The following VGLL4 variants were observed in gnomAD, a reference collection of about 807,000 sequenced individuals.
The protein encoded by VGLL4 is vestigial like family member 4.
VGLL4 carries 7 observed loss-of-function variants against 21.0 expected under a neutral mutation model. The observed-to-expected ratio is 0.33, with a 90% CI of 0.19 to 0.63. VGLL4 has a LOEUF of 0.63. Ranked by LOEUF, VGLL4 falls within the 20% of genes least tolerant of loss-of-function variation. The pLI, the probability that VGLL4 is intolerant of heterozygous loss-of-function variation, is 0.78. For synonymous variants in VGLL4, 222 were observed against 173.2 expected (o/e 1.28, Z -2.21); for missense variants, 394 against 425.7 (o/e 0.93, Z 0.66).
At chr3:11,717,452 T>C (rs1334668834) in intron 1 of VGLL4, among the ~76,000 whole-genome samples, 1 of 149,718 alleles carries the variant, frequency 6.7e-6, no homozygotes, top group African/African-American at 2.5e-5. Flanking sequence ...GTAACAGGGC[T>C]GCCTCCATAA....
intron 1 of VGLL4, among the ~76,000 whole-genome samples, chr3:11,707,632 TTGAGCCCGGGAGTTCCAGACCAGCC>T (rs1232746817): frequency 6.6e-6 from 1 of 152,030 alleles, no homozygotes; most frequent in African/African-American, 2.4e-5. Flanking sequence ...GGAGGATCGC[TTGAGCCCGGGAGTTCCAGACCAGCC>T]TGAGCAACAC....
rs958951404 is a variant in VGLL4 at position 11,568,504 on chromosome 3, C to T, written c.273-3485G>A. On this transcript the variant is annotated intron_variant, in intron 2 of 4. Coordinates refer to ENST00000430365, the MANE Select transcript of VGLL4 (RefSeq NM_001128219.3). This position sits in a 1 kb window ranked among gnomAD's most constrained non-coding sequence, Gnocchi z 5.9. ...AACTGGAAAGACAGTCCGTGGAACA[C>T]AGCACAGTGGGCACTATGGGTCAGA... 9 of 1,479,404 alleles carry T rather than the reference C, an allele frequency of 6.1e-6. No homozygotes were observed. The highest frequency in any genetic ancestry group is 8.3e-6 in the Non-Finnish European group (9 of 1,083,222). 91.6% of individuals were successfully genotyped at this position (1,479,404 alleles called of 1,614,324 possible). A position where few individuals can be genotyped will look rare whatever the true frequency, so the allele number is the denominator to read the frequency against.
chr3:11,689,037 G>C (rs1672914209), intron 2 of VGLL4, among the ~76,000 whole-genome samples: 3 of 151,964 alleles, frequency 2.0e-5, no homozygotes, highest in African/African-American at 7.2e-5. Flanking sequence ...AAAAGAGAGA[G>C]AGAGATCAAT....
Position 11,572,903 on chromosome 3 carries a change from C to G in VGLL4, c.273-7884G>C, listed in dbSNP as rs556956738. On this transcript the variant is annotated intron_variant, in intron 2 of 4. Coordinates refer to ENST00000430365, the MANE Select transcript of VGLL4 (RefSeq NM_001128219.3). ...CCCCCGTAGGCCAGGCGCAGTGGCT[C>G]ACACCTGTAATTCCAGCACTTTGGG... Among the ~76,000 whole-genome samples, 63 of 152,240 alleles carry G rather than the reference C, an allele frequency of 4.1e-4. 1 individual carries two copies. The highest frequency in any genetic ancestry group is 1.5e-3 in the African/African-American group (61 of 41,550).
intron 2 of VGLL4, among the ~76,000 whole-genome samples, chr3:11,597,270 A>G (rs1415647218): frequency 6.6e-6 from 1 of 151,918 alleles, no homozygotes; most frequent in Admixed American, 6.6e-5. Context: ...TGATTTTTCC[A>G]CAAGATGAAT....
upstream of VGLL4, chr3:11,644,051 G>T: frequency 1.1e-6 from 1 of 945,698 alleles, no homozygotes; most frequent in Non-Finnish European, 1.3e-6. Context: ...GAAAGAAAGA[G>T]AAAGGGGAGG....
At chr3:11,621,347 G>A (rs1371998689) in intron 1 of VGLL4, among the ~76,000 whole-genome samples, 1 of 152,094 alleles carries the variant, frequency 6.6e-6, no homozygotes, top group Non-Finnish European at 1.5e-5. Flanking sequence ...TCTCTCCAAT[G>A]CCTAGCAACC....
chr3:11,566,496 G>A (rs1559862594), intron 2 of VGLL4, among the ~76,000 whole-genome samples: 1 of 152,182 alleles, frequency 6.6e-6, no homozygotes, highest in Non-Finnish European at 1.5e-5. Flanking sequence ...CTTAGTGAAT[G>A]TTTTTAGCAG....
At chr3:11,635,583 A>G (rs900908589) in intron 1 of VGLL4, among the ~76,000 whole-genome samples, 1 of 152,228 alleles carries the variant, frequency 6.6e-6, no homozygotes, top group Admixed American at 6.5e-5. Context: ...TACTGTATGC[A>G]CTGTATCAAA....
intron 2 of VGLL4, among the ~76,000 whole-genome samples, chr3:11,689,324 G>A (rs1410930357): frequency 1.3e-5 from 2 of 151,892 alleles, no homozygotes; most frequent in African/African-American, 2.4e-5. Flanking sequence ...TCCTTTCCTC[G>A]TCCCGCTTCC....
upstream of VGLL4, among the ~76,000 whole-genome samples, chr3:11,646,073 A>C (rs1346713913): frequency 6.6e-6 from 1 of 152,204 alleles, no homozygotes; most frequent in East Asian, 1.9e-4. Flanking sequence ...CAGGGGAAGT[A>C]AGTAATAGGG....
At chr3:11,594,101 T>G (rs945357153) in intron 2 of VGLL4, among the ~76,000 whole-genome samples, 1 of 152,226 alleles carries the variant, frequency 6.6e-6, no homozygotes, top group Admixed American at 6.5e-5. Flanking sequence ...CAACATAAAA[T>G]TATTTAGCAC....
intron 1 of VGLL4, among the ~76,000 whole-genome samples, chr3:11,640,156 G>A (rs2075662100): frequency 1.3e-5 from 2 of 152,200 alleles, no homozygotes; most frequent in Non-Finnish European, 2.9e-5. Context: ...AGCAACTACA[G>A]CTGCCATTGA....
intron 2 of VGLL4, among the ~76,000 whole-genome samples, chr3:11,578,929 T>C (rs1424388152): frequency 6.6e-6 from 1 of 151,922 alleles, no homozygotes; most frequent in Non-Finnish European, 1.5e-5. Context: ...TTTGTATTTT[T>C]AGTAGAGACG....
chr3:11,631,159 T>C (rs2075467553), intron 1 of VGLL4, among the ~76,000 whole-genome samples: 1 of 152,152 alleles, frequency 6.6e-6, no homozygotes, highest in African/African-American at 2.4e-5. Flanking sequence ...CAGGCCAACC[T>C]AATATATAAC....
At chr3:11,652,062 C>CTT (rs1186560439) in intron 2 of VGLL4, among the ~76,000 whole-genome samples, 2 of 152,278 alleles carry the variant, frequency 1.3e-5, no homozygotes, top group East Asian at 3.9e-4. Context: ...AATCTATGGA[C>CTT]TTTTCAAAAA....
At chr3:11,593,534 C>T (rs909122660) in intron 2 of VGLL4, among the ~76,000 whole-genome samples, 1 of 151,940 alleles carries the variant, frequency 6.6e-6, no homozygotes, top group Non-Finnish European at 1.5e-5. Flanking sequence ...TTTCTATTCA[C>T]CCCTATGGTG....
chr3:11,581,697 GGAGAGAAGT>G (rs1173159598), intron 2 of VGLL4, among the ~76,000 whole-genome samples: 2 of 152,226 alleles, frequency 1.3e-5, no homozygotes. Flanking sequence ...CAATTTCCAT[GGAGAGAAGT>G]GGTCAAATAG....
chr3:11,561,961 G>A (rs1335087264), intron 3 of VGLL4, among the ~76,000 whole-genome samples: 7 of 143,556 alleles, frequency 4.9e-5, no homozygotes, highest in South Asian at 2.2e-4. Flanking sequence ...GTGCAGTGAC[G>A]CGATCTTGGC....
Sources: gnomAD v4.1 joint callset for allele counts (sites outside exome capture counted in the v4.1 genomes callset) on GRCh38, gnomAD v4.1.1 for gene constraint, Gnocchi (gnomAD v3.1) non-coding constraint, MANE v1.5 for transcripts, NCBI Gene and HGNC (gene_info 2026-07-23, HGNC 2026-07-21) for gene names.